The following SERGEF variants were observed in gnomAD, a reference collection of about 807,000 sequenced individuals.
SERGEF encodes secretion-regulating guanine nucleotide exchange factor.
Under a neutral mutation model 50.0 loss-of-function variants are expected in SERGEF, and 51 were observed. That is an observed-to-expected ratio of 1.02 (90% CI 0.81 to 1.29). SERGEF has a LOEUF of 1.29. SERGEF is among the 50% of genes most tolerant of loss of function. The pLI is 0.00. For synonymous variants in SERGEF, 205 were observed against 212.4 expected (o/e 0.97, Z 0.30); for missense variants, 521 against 557.0 (o/e 0.94, Z 0.65).
At chr11:17,806,270 C>T (rs1452576223) in intron 10 of SERGEF, among the ~76,000 whole-genome samples, 1 of 152,168 alleles carries the variant, frequency 6.6e-6, no homozygotes, top group Non-Finnish European at 1.5e-5. Context: ...CTTATGTATG[C>T]AAGGAAAGAG....
intron 10 of SERGEF, among the ~76,000 whole-genome samples, chr11:17,844,540 C>T (rs1424829156): frequency 1.3e-5 from 2 of 152,106 alleles, no homozygotes; most frequent in Non-Finnish European, 2.9e-5. Flanking sequence ...GTACTGGTTC[C>T]CAGACTGTGA....
intron 9 of SERGEF, chr11:17,926,894 A>T: frequency 2.2e-6 from 1 of 455,866 alleles, no homozygotes; most frequent in Non-Finnish European, 4.4e-6. Context: ...TGAAAAGGTT[A>T]CCCACTGGTC....
intron 10 of SERGEF, among the ~76,000 whole-genome samples, chr11:17,868,633 T>C (rs2133889584): frequency 6.6e-6 from 1 of 152,308 alleles, no homozygotes; most frequent in South Asian, 2.1e-4. Context: ...CAATTTACTG[T>C]ATTAGTCCAT....
At chr11:17,953,730 C>T (rs1852811527) in intron 9 of SERGEF, among the ~76,000 whole-genome samples, 1 of 152,200 alleles carries the variant, frequency 6.6e-6, no homozygotes, top group African/African-American at 2.4e-5. Context: ...TTGAACAAGA[C>T]AGAGAAGGCC....
At chr11:17,847,359 G>A (rs1850634378) in intron 10 of SERGEF, among the ~76,000 whole-genome samples, 1 of 152,164 alleles carries the variant, frequency 6.6e-6, no homozygotes, top group South Asian at 2.1e-4. Context: ...GGGGGGAAGG[G>A]GGACAGGGAG....
At chr11:17,986,404 CA>C (rs1377942785) in intron 8 of SERGEF, among the ~76,000 whole-genome samples, 1 of 152,202 alleles carries the variant, frequency 6.6e-6, no homozygotes, top group Non-Finnish European at 1.5e-5. Flanking sequence ...TGGCAATGTA[CA>C]AAAACAAGCA....
At chr11:17,928,326 T>C (rs1021022055) in intron 9 of SERGEF, among the ~76,000 whole-genome samples, 1 of 152,064 alleles carries the variant, frequency 6.6e-6, no homozygotes, top group Non-Finnish European at 1.5e-5. Context: ...CTAGACAGTA[T>C]GGCAAAGGTG....
At chr11:18,010,471 T>G (rs1387514093) in intron 1 of SERGEF, 1 of 155,788 alleles carries the variant, frequency 6.4e-6, no homozygotes, top group Non-Finnish European at 1.4e-5. Context: ...TATATCTGGG[T>G]AGGCAAAAAG....
chr11:17,979,176 G>A (rs989502432), intron 8 of SERGEF, among the ~76,000 whole-genome samples: 5 of 152,198 alleles, frequency 3.3e-5, no homozygotes, highest in African/African-American at 1.2e-4. Context: ...CTTAGGGCTG[G>A]TGGGTACCTG....
chr11:17,956,289 AG>A (rs748365866), intron 9 of SERGEF, among the ~76,000 whole-genome samples: 12 of 152,226 alleles, frequency 7.9e-5, no homozygotes, highest in African/African-American at 2.4e-4. Context: ...CACCCAGGAA[AG>A]GGCACATAGA....
intron 10 of SERGEF, among the ~76,000 whole-genome samples, chr11:17,815,184 T>C (rs924365264): frequency 3.3e-5 from 5 of 150,852 alleles, no homozygotes; most frequent in Admixed American, 2.6e-4. Flanking sequence ...GAGATCCATC[T>C]CTTAAGAAAA....
intron 8 of SERGEF, among the ~76,000 whole-genome samples, chr11:17,968,026 C>T (rs111342905): frequency 1.3e-5 from 2 of 152,332 alleles, no homozygotes; most frequent in Admixed American, 6.5e-5. Context: ...GTGCTTGTAC[C>T]TCTGTTTCAA....
chr11:17,951,508 T>G (rs1565213555), intron 9 of SERGEF, among the ~76,000 whole-genome samples: 1 of 152,212 alleles, frequency 6.6e-6, no homozygotes, highest in Non-Finnish European at 1.5e-5. Context: ...GAAGCATGAA[T>G]TAACTTACTG....
intron 9 of SERGEF, among the ~76,000 whole-genome samples, chr11:17,922,962 T>G (rs1415219822): frequency 6.6e-6 from 1 of 152,224 alleles, no homozygotes; most frequent in African/African-American, 2.4e-5. Context: ...GGTTTGAAAC[T>G]AACTTCCACC....
At chr11:17,941,193 C>T (rs1167313889) in intron 9 of SERGEF, among the ~76,000 whole-genome samples, 1 of 152,158 alleles carries the variant, frequency 6.6e-6, no homozygotes, top group African/African-American at 2.4e-5. Context: ...GCTGATGAGT[C>T]TTTCCTCCAA....
chr11:17,873,106 C>T (rs1851175876), intron 10 of SERGEF, among the ~76,000 whole-genome samples: 2 of 152,174 alleles, frequency 1.3e-5, no homozygotes, highest in South Asian at 2.1e-4. Flanking sequence ...GTACTCCTAT[C>T]TGGTGGCTTT....
chr11:17,857,629 C>T (rs569269107), intron 10 of SERGEF, among the ~76,000 whole-genome samples: 6 of 152,210 alleles, frequency 3.9e-5, no homozygotes, highest in Middle Eastern at 3.4e-3. Context: ...AGGTGCTGCC[C>T]GAATAAAATG....
At chr11:17,860,231 T>A (rs1033965272) in intron 10 of SERGEF, among the ~76,000 whole-genome samples, 8 of 152,052 alleles carry the variant, frequency 5.3e-5, no homozygotes, top group African/African-American at 1.7e-4. Flanking sequence ...GAAAGTCAGT[T>A]AAAGGAAGGG....
intron 9 of SERGEF, among the ~76,000 whole-genome samples, chr11:17,946,417 A>G (rs536282319): frequency 6.6e-6 from 1 of 152,254 alleles, no homozygotes. Flanking sequence ...ATCTACTGGG[A>G]CTTGGTGTAT....
Sources: allele counts gnomAD v4.1 joint callset (sites outside exome capture counted in the v4.1 genomes callset), GRCh38; gene constraint gnomAD v4.1.1; transcripts MANE v1.5; gene names NCBI Gene and HGNC (gene_info 2026-07-23, HGNC 2026-07-21).